The following INPP5A variants were observed in gnomAD, a reference collection of about 807,000 sequenced individuals.
INPP5A encodes the protein inositol polyphosphate-5-phosphatase A.
Under a neutral mutation model 65.2 loss-of-function variants are expected in INPP5A, and 14 were observed. The ratio of observed to expected loss-of-function variants is 0.21; its 90% CI spans 0.14 to 0.34. The LOEUF (loss-of-function observed/expected upper bound fraction) is 0.34. INPP5A is among the 10% of genes least tolerant of loss of function. INPP5A has a pLI of 1.00. For missense variants in INPP5A, 431 were observed against 545.6 expected (o/e 0.79, Z 2.09); for synonymous variants, 207 against 208.3 (o/e 0.99, Z 0.05).
rs979802273 is a variant in INPP5A at position 132,705,846 on chromosome 10, G to A, written c.475-2467G>A. 6.6e-6 allele frequency among the ~76,000 whole-genome samples: 1 copy of A among 152,126 alleles called. No homozygotes were observed. Among genetic ancestry groups the A allele is most frequent in the Non-Finnish European group, 1.5e-5 (1 of 68,022 alleles). On this transcript the variant is annotated intron_variant, in intron 6 of 15. Transcript: ENST00000368594. This position sits in a 1 kb window ranked among gnomAD's most constrained non-coding sequence, Gnocchi z 4.9. ...GCCATGGAACTGCACAGGTGAGGAGGGGGCGCCTCTCACTCCCCAGGAGAC... is the reference window on the plus strand; with the variant it reads ...GCCATGGAACTGCACAGGTGAGGAGAGGGCGCCTCTCACTCCCCAGGAGAC...
At chr10:132,721,200 C>T (rs1241091016) in intron 8 of INPP5A, among the ~76,000 whole-genome samples, 1 of 147,134 alleles carries the variant, frequency 6.8e-6, no homozygotes, top group Non-Finnish European at 1.5e-5. Flanking sequence ...TGGGTTCTTT[C>T]TGGGGGCGCC....
intron 4 of INPP5A, among the ~76,000 whole-genome samples, chr10:132,660,419 G>A (rs1055615658): frequency 7.2e-5 from 11 of 152,230 alleles, no homozygotes; most frequent in Non-Finnish European, 1.5e-4. Context: ...GTGTGTGTGT[G>A]TGTTACTAGC....
At chr10:132,647,863 C>T (rs1356383232) in intron 3 of INPP5A, among the ~76,000 whole-genome samples, 2 of 152,264 alleles carry the variant, frequency 1.3e-5, no homozygotes, top group East Asian at 3.9e-4. Context: ...TAAAAGGCAA[C>T]ATTAAAAATT....
intron 4 of INPP5A, among the ~76,000 whole-genome samples, chr10:132,668,395 A>G (rs1387813146): frequency 6.6e-6 from 1 of 152,246 alleles, no homozygotes; most frequent in Non-Finnish European, 1.5e-5. Context: ...GAAATGAAGC[A>G]GAACATGAGT....
rs925469637 is a variant in INPP5A, at chr10:132,550,486, C to T, written c.75+12315C>T. Among the ~76,000 whole-genome samples the T allele has an allele frequency of 4.6e-5, 7 of 152,204 alleles. No homozygotes were observed. Among genetic ancestry groups the T allele is most frequent in the African/African-American group, 1.2e-4 (5 of 41,442 alleles). ...ACCTCACCACACCTGGAGCAGCGCC[C>T]GTGAGAGGAGGGAAGCGACACCCTT... On this transcript the variant is annotated intron_variant, in intron 1 of 15. Transcript: ENST00000368594. This position sits in a 1 kb window ranked among gnomAD's most constrained non-coding sequence, Gnocchi z 4.2.
intron 6 of INPP5A, among the ~76,000 whole-genome samples, chr10:132,703,538 TAC>T (rs998299389): frequency 3.7e-4 from 42 of 114,938 alleles, no homozygotes; most frequent in African/African-American, 1.3e-3. Flanking sequence ...CATTTACCCA[TAC>T]ACACACGTGG....
Position 132,537,867 on chromosome 10 carries a change from C to A in INPP5A, c.-230C>A. ...TGGCTGCGCGCGGGCCGCTGTGAGG[C>A]GCGGCGGCGAGCGACGGGCGCGGGG... On this transcript the variant is annotated 5_prime_UTR_variant, in exon 1 of 16. Coordinates refer to ENST00000368594, the MANE Select transcript of INPP5A (RefSeq NM_005539.5). 1 of 333,510 alleles carries A rather than the reference C, an allele frequency of 3.0e-6. No homozygotes were observed. Among genetic ancestry groups the A allele is most frequent in the Middle Eastern group, 8.1e-4 (1 of 1,232 alleles). The allele number at this position is 333,510 out of a possible 1,614,324, so 20.7% of individuals were successfully genotyped here. A position where few individuals can be genotyped will look rare whatever the true frequency, so the allele number is the denominator to read the frequency against.
chr10:132,727,539 G>T lies in INPP5A; in HGVS notation c.732+634G>T, dbSNP rs562703390. Among the ~76,000 whole-genome samples the T allele has an allele frequency of 2.0e-5, 3 of 151,996 alleles. No homozygotes were observed. In the South Asian group the frequency reaches 6.3e-4, roughly 32 times the overall value. On this transcript the variant is annotated intron_variant, in intron 9 of 15. Coordinates refer to ENST00000368594, the MANE Select transcript of INPP5A (RefSeq NM_005539.5). This position sits in a 1 kb window ranked among gnomAD's most constrained non-coding sequence, Gnocchi z 6.5. ...GGCCTCTAGGCTCAGTGCAAGGGCC[G>T]ATGTTTCTCTGTGGTCCAGTCCACG...
At chr10:132,618,442 T>C (rs2072069667) in intron 2 of INPP5A, among the ~76,000 whole-genome samples, 1 of 152,196 alleles carries the variant, frequency 6.6e-6, no homozygotes, top group South Asian at 2.1e-4. Flanking sequence ...CAACTAAAGG[T>C]AGAGATAACC....
At chr10:132,742,231 G>A (rs1415105673) in intron 9 of INPP5A, among the ~76,000 whole-genome samples, 3 of 152,230 alleles carry the variant, frequency 2.0e-5, no homozygotes, top group South Asian at 4.1e-4. Context: ...TGAACACAGA[G>A]CTCAGAGTCC....
Position 132,697,959 on chromosome 10 carries a change from AG to A in INPP5A, c.474+41del. 7.6e-7 allele frequency: 1 copy of A among 1,322,090 alleles called. No homozygotes were observed. Among genetic ancestry groups the A allele is most frequent in the African/African-American group, 1.4e-5 (1 of 69,266 alleles). 81.9% of individuals were successfully genotyped at this position (1,322,090 alleles called of 1,614,324 possible). On this transcript the variant is annotated intron_variant, in intron 6 of 15. Transcript: ENST00000368594. This position sits in a 1 kb window ranked among gnomAD's most constrained non-coding sequence, Gnocchi z 5.6. ...TTTCTCACTGACGTGTTTACTTCTC[AG>A]AGTGAGCCAGTCAGAAGTGACATGG...
chr10:132,645,344 G>A (rs759760164), intron 2 of INPP5A, among the ~76,000 whole-genome samples: 19 of 152,150 alleles, frequency 1.2e-4, no homozygotes, highest in Non-Finnish European at 2.1e-4. Context: ...AGCAGGCGGC[G>A]GAGTGCCTGG....
intron 9 of INPP5A, among the ~76,000 whole-genome samples, chr10:132,728,315 C>T (rs1277086366): frequency 1.3e-5 from 2 of 152,260 alleles, no homozygotes; most frequent in East Asian, 3.9e-4. Flanking sequence ...TTCCTTTCTC[C>T]TCGTAGAGGC....
chr10:132,718,378 G>C (rs188503958), intron 8 of INPP5A, among the ~76,000 whole-genome samples: 135 of 149,452 alleles, frequency 9.0e-4, no homozygotes, highest in East Asian at 6.8e-3. Flanking sequence ...GTGGTGCCTG[G>C]GTTCTGTCTG....
intron 12 of INPP5A, among the ~76,000 whole-genome samples, chr10:132,775,313 G>C (rs1479432733): frequency 6.6e-6 from 1 of 151,924 alleles, no homozygotes; most frequent in Non-Finnish European, 1.5e-5. Flanking sequence ...GCGCAGGTGC[G>C]CCCCTGTCCT....
chr10:132,749,064 G>A (rs1263013033), intron 9 of INPP5A, among the ~76,000 whole-genome samples: 2 of 152,230 alleles, frequency 1.3e-5, no homozygotes, highest in African/African-American at 4.8e-5. Context: ...CTGTTGAGAC[G>A]GTTCCCGGTC....
At chr10:132,602,923 T>C (rs73399372) in intron 1 of INPP5A, among the ~76,000 whole-genome samples, 4,153 of 152,346 alleles carry the variant, frequency 0.027, 80 homozygotes, top group African/African-American at 0.046. Flanking sequence ...TCTACCACGA[T>C]GACAGCAATT....
chr10:132,731,444 C>A (rs12257589), intron 9 of INPP5A, among the ~76,000 whole-genome samples: 2 of 150,248 alleles, frequency 1.3e-5, no homozygotes, highest in East Asian at 3.9e-4. Flanking sequence ...TGGGAGTGAC[C>A]GCGTCCCTGC....
chr10:132,780,889 G>C lies in INPP5A; in HGVS notation c.1130G>C (p.Gly377Ala). 6.2e-7 allele frequency: 1 copy of C among 1,613,044 alleles called. No homozygotes were observed. The highest frequency in any genetic ancestry group is 8.5e-7 in the Non-Finnish European group (1 of 1,179,834). Residue 377 changes from glycine to alanine, a missense_variant, in exon 14 of 16, where the codon GGG (glycine) becomes GCG (alanine). Physicochemically the swap from Gly to Ala is moderately conservative, Grantham distance 60. Coordinates refer to ENST00000368594, the MANE Select transcript of INPP5A (RefSeq NM_005539.5). ...AAGGTTGTCACCTATGACCACATTG[G>C]GCCCAACGTCTGCATGGGAGACCAC... is the stretch of plus-strand genomic sequence containing the variant. ...EEKVVTYDHIGPNVCMGDHKP... is the reference protein window; with the variant it reads ...EEKVVTYDHIAPNVCMGDHKP...
Sources: gnomAD v4.1 joint callset for allele counts (sites outside exome capture counted in the v4.1 genomes callset) on GRCh38, gnomAD v4.1.1 for gene constraint, Gnocchi (gnomAD v3.1) non-coding constraint, MANE v1.5 for transcripts, NCBI Gene and HGNC (gene_info 2026-07-23, HGNC 2026-07-21) for gene names.